Variants in PPP1R3F observed in about 807,000 individuals in gnomAD.
The protein encoded by PPP1R3F is protein phosphatase 1 regulatory subunit 3F.
A neutral mutation model predicts 24.2 loss-of-function variants in PPP1R3F; 29 were observed. The observed-to-expected ratio is 1.20, with a 90% confidence interval of 0.89 to 1.63. PPP1R3F has a LOEUF of 1.63. Among genes scored for constraint, PPP1R3F ranks in the 40% most tolerant of loss-of-function variants. PPP1R3F has a pLI of 0.00. For synonymous variants in PPP1R3F, 363 were observed against 340.1 expected (o/e 1.07, Z -0.74); for missense variants, 823 against 729.3 (o/e 1.13, Z -1.48).
At chrX:49,279,223 C>T (rs1293659171) in intron 1 of PPP1R3F, among the ~76,000 whole-genome samples, 3 of 111,312 alleles carry the variant, frequency 2.7e-5, no homozygotes, top group Non-Finnish European at 3.8e-5. Context: ...GACCCCATCT[C>T]TAAAAACAAA....
intron 1 of PPP1R3F, among the ~76,000 whole-genome samples, chrX:49,279,225 AAAAAC>A (rs1359608293): frequency 8.9e-6 from 1 of 111,850 alleles, no homozygotes; most frequent in Non-Finnish European, 1.9e-5. Context: ...CCCCATCTCT[AAAAAC>A]AAAATACAAA....
intron 3 of PPP1R3F, among the ~76,000 whole-genome samples, chrX:49,283,156 C>T (rs923960994): frequency 5.4e-5 from 6 of 111,438 alleles, no homozygotes; most frequent in African/African-American, 2.0e-4. Flanking sequence ...ATCTGTACCC[C>T]GTCTCCTCCC....
chrX:49,293,167 C>T (rs1243636285), intron 3 of PPP1R3F, among the ~76,000 whole-genome samples: 1 of 111,870 alleles, frequency 8.9e-6, no homozygotes, highest in African/African-American at 3.3e-5. Context: ...TCCAAGAGCT[C>T]ACAGTGAGCT....
intron 1 of PPP1R3F, among the ~76,000 whole-genome samples, chrX:49,280,124 G>A (rs1451969123): frequency 1.8e-5 from 2 of 111,901 alleles, no homozygotes; most frequent in Non-Finnish European, 1.9e-5. Flanking sequence ...ATACGGGGAC[G>A]AGAGGGTTAG....
intron 3 of PPP1R3F, among the ~76,000 whole-genome samples, chrX:49,282,443 C>CTGTGTGTGTGTGTGTGTGTG (rs545507997): frequency 1.4e-5 from 1 of 73,950 alleles, no homozygotes; most frequent in African/African-American, 5.4e-5. Context: ...GTGAGAGACT[C>CTGTGTGTGTGTGTGTGTGTG]TGTGTGTGTG....
intron 1 of PPP1R3F, among the ~76,000 whole-genome samples, chrX:49,277,078 T>C (rs1286487610): frequency 2.7e-5 from 3 of 112,522 alleles, no homozygotes; most frequent in East Asian, 5.6e-4. Context: ...CGGGTGGTGG[T>C]GGCAATGGCA....
chrX:49,281,539 A>G, intron 2 of PPP1R3F, 78 bp downstream of exon 2: 9 of 887,929 alleles, frequency 1.0e-5, no homozygotes, highest in Non-Finnish European at 1.5e-5. Context: ...TTTCTATAAA[A>G]ATGAAAAAGG....
At chrX:49,292,419 G>A (rs1187319724), downstream of PPP1R3F, among the ~76,000 whole-genome samples, 1 of 113,068 alleles carries the variant, frequency 8.8e-6, no homozygotes, top group East Asian at 2.8e-4. Flanking sequence ...TGAGGCCTGT[G>A]CCCAGGGCAG....
rs1358866635 is a variant in PPP1R3F at position 49,286,982 on chromosome X, C to T, written c.2292C>T (p.Thr764=). 3.3e-6 allele frequency: 4 copies of T among 1,211,738 alleles called. No individual in the cohort carries two copies. The East Asian group carries it at 1.2e-4, about 36-fold the overall frequency. The change falls in exon 4 of 4, where the codon ACC becomes ACT. Residue 764 remains threonine (T), a synonymous_variant. Transcript: ENST00000055335. ...CTCCTCAGCTCCGGGGGCCCTTGAC[C>T]CAGACTCTGGGGGTCCTGGCCGGGC... ...ALPPQLRGPL[T]QTLGVLAGLV... is the part of the protein sequence containing the mutation.
chrX:49,285,929 G>A lies in PPP1R3F; in HGVS notation c.1239G>A (p.Pro413=), dbSNP rs140109941. 3.3e-5 allele frequency: 40 copies of A among 1,206,770 alleles called. No individual in the cohort carries two copies. The highest frequency in any genetic ancestry group is 3.6e-5 in the South Asian group (2 of 56,133). Residue 413 remains proline, a synonymous_variant, in exon 4 of 4, where the codon CCG becomes CCA. Coordinates refer to ENST00000055335, the MANE Select transcript of PPP1R3F (RefSeq NM_033215.5). ...PVAFTEVLQA[P]AIRIPPSSPL... is the part of the protein sequence containing the mutation. ...CTTTTACAGAGGTCCTCCAGGCACC[G>A]GCCATCAGGATTCCCCCCTCCTCCC...
In PPP1R3F at chrX:49,270,140, G is replaced by A. The variant is rs1416062600; in HGVS notation, c.271G>A (p.Gly91Arg). 1 of 1,075,320 alleles carries A rather than the reference G, an allele frequency of 9.3e-7. No homozygotes were observed. The highest frequency in any genetic ancestry group is 2.4e-5 in the South Asian group (1 of 41,425). 88.6% of individuals were successfully genotyped at this position (1,075,320 alleles called of 1,213,427 possible). A position where few individuals can be genotyped will look rare whatever the true frequency, so the allele number is the denominator to read the frequency against. The change falls in exon 1 of 4, where the codon GGG becomes AGG. Residue 91 changes from glycine (G) to arginine (R), a missense_variant. Gly to Arg is a moderately radical substitution (Grantham distance 125, BLOSUM62 -2). Transcript: ENST00000055335. ...EDDDGEDGDE[G>R]EEEEEACPEP... ...CGACGATGGCGAGGATGGGGATGAA[G>A]GGGAGGAGGAAGAGGAGGCTTGCCC...
At position 49,270,162 on chromosome X, in the gene PPP1R3F, GC is replaced by G; in HGVS notation, c.297del (p.Glu100SerfsTer72). The stretch of plus-strand genomic sequence containing the variant: ...GAAGGGGAGGAGGAAGAGGAGGCTT[GC>G]CCCGAGCCCTCACCGCTGTGCCCCG... ...GDEGEEEEEA[C>X]PEPSPLCPVP... On this transcript the variant is annotated frameshift_variant, in exon 1 of 4. Transcript: ENST00000055335. LOFTEE classifies it high-confidence loss of function. 1 of 1,091,159 alleles carries G rather than the reference GC, an allele frequency of 9.2e-7. No individual in the cohort carries two copies. The highest frequency in any genetic ancestry group is 1.2e-6 in the Non-Finnish European group (1 of 842,922). 89.9% of individuals were successfully genotyped at this position (1,091,159 alleles called of 1,213,427 possible).
chrX:49,281,160 G>A, intron 1 of PPP1R3F: 1 of 290,837 alleles, frequency 3.4e-6, no homozygotes, highest in Non-Finnish European at 6.0e-6. Context: ...AATGGTAACA[G>A]TAGTTGTCTC....
At chrX:49,289,554 G>A (rs1053932931), downstream of PPP1R3F, among the ~76,000 whole-genome samples, 2 of 111,792 alleles carry the variant, frequency 1.8e-5, no homozygotes, top group African/African-American at 3.3e-5. Context: ...ATCCATTTAT[G>A]CAAAGTTCAC....
intron 1 of PPP1R3F, among the ~76,000 whole-genome samples, chrX:49,278,965 G>A (rs2066230862): frequency 8.9e-6 from 1 of 112,737 alleles, no homozygotes; most frequent in African/African-American, 3.2e-5. Context: ...GGCCTGGGTT[G>A]TGATGTGAAG....
chrX:49,295,795 A>T (rs1602720965), intron 3 of PPP1R3F, among the ~76,000 whole-genome samples: 3 of 108,023 alleles, frequency 2.8e-5, no homozygotes, highest in Non-Finnish European at 3.8e-5. Flanking sequence ...TTTTTTTTTT[A>T]AAGAGCAGTT....
At chrX:49,271,769 A>G (rs2147960562) in intron 1 of PPP1R3F, among the ~76,000 whole-genome samples, 1 of 113,265 alleles carries the variant, frequency 8.8e-6, no homozygotes, top group South Asian at 3.6e-4. Flanking sequence ...ACAAGAAAGC[A>G]GTGGCTCTAG....
intron 1 of PPP1R3F, 85 bp downstream of exon 1, chrX:49,270,958 C>A: frequency 1.0e-6 from 1 of 985,048 alleles, no homozygotes; most frequent in Non-Finnish European, 1.4e-6. Context: ...ACCCCTCAGG[C>A]CTGCTCTCCA....
chrX:49,270,943 C>T, intron 1 of PPP1R3F, 70 bp downstream of exon 1: 1 of 1,053,664 alleles, frequency 9.5e-7, no homozygotes, highest in Non-Finnish European at 1.3e-6. Context: ...CATTCCGGCC[C>T]AGGAACCCCT....
Sources: allele counts gnomAD v4.1 joint callset (sites outside exome capture counted in the v4.1 genomes callset), GRCh38; gene constraint gnomAD v4.1.1; transcripts MANE v1.5; gene names NCBI Gene and HGNC (gene_info 2026-07-23, HGNC 2026-07-21).